FHIP1A: variants seen among roughly 807,000 people sequenced by gnomAD.
FHIP1A encodes FHF complex subunit HOOK interacting protein 1A, also known as FHF complex subunit HOOK-interacting protein 1A.
FHIP1A carries 61 observed loss-of-function variants against 88.6 expected under a neutral mutation model. The ratio of observed to expected loss-of-function variants is 0.69; its 90% CI spans 0.56 to 0.85. The LOEUF (loss-of-function observed/expected upper bound fraction) is 0.85. Ranked by LOEUF, FHIP1A falls within the 40% of genes least tolerant of loss-of-function variation. FHIP1A has a pLI of 0.00. For missense variants in FHIP1A, 1,154 were observed against 1,273.5 expected, an observed-to-expected ratio of 0.91 and a Z score of 1.43; for synonymous variants, 478 against 496.0, an observed-to-expected ratio of 0.96 and a Z score of 0.48.
chr4:151,639,966 T>C (rs1000248786), intron 9 of FHIP1A, among the ~76,000 whole-genome samples: 41 of 152,218 alleles, frequency 2.7e-4, no homozygotes, highest in African/African-American at 9.6e-4. Context: ...ATGATTTGAG[T>C]AGAGGTTACT....
At chr4:151,500,847 T>C (rs1228588348) in intron 3 of FHIP1A, among the ~76,000 whole-genome samples, 1 of 152,192 alleles carries the variant, frequency 6.6e-6, no homozygotes, top group African/African-American at 2.4e-5. Flanking sequence ...AGGTGTTAAA[T>C]TATATATTTT....
At chr4:151,467,669 G>A (rs1729369545) in intron 2 of FHIP1A, among the ~76,000 whole-genome samples, 1 of 152,188 alleles carries the variant, frequency 6.6e-6, no homozygotes, top group South Asian at 2.1e-4. Flanking sequence ...ATGAGATCAT[G>A]TCCTTTGCAG....
chr4:151,544,588 A>T (rs1185891665), intron 3 of FHIP1A, among the ~76,000 whole-genome samples: 1 of 152,122 alleles, frequency 6.6e-6, no homozygotes, highest in East Asian at 1.9e-4. Context: ...TCCCTCACAG[A>T]CCGAGACCTC....
chr4:151,580,277 T>C (rs1475901279), intron 5 of FHIP1A, among the ~76,000 whole-genome samples: 3 of 152,234 alleles, frequency 2.0e-5, no homozygotes, highest in Non-Finnish European at 2.9e-5. Context: ...GTTTGACTTG[T>C]CCCTAACCCT....
intron 4 of FHIP1A, 87 bp downstream of exon 4, chr4:151,566,451 T>A: frequency 1.4e-6 from 1 of 710,258 alleles, no homozygotes. Flanking sequence ...ACCTCTGTGA[T>A]AGGTAACTAG....
intron 3 of FHIP1A, among the ~76,000 whole-genome samples, chr4:151,500,494 C>T (rs1461373856): frequency 6.6e-6 from 1 of 150,852 alleles, no homozygotes; most frequent in Non-Finnish European, 1.5e-5. Context: ...GAATCCTGAC[C>T]CCTGCCCCAT....
chr4:151,415,503 CT>C (rs986842575), intron 1 of FHIP1A, among the ~76,000 whole-genome samples: 1 of 152,090 alleles, frequency 6.6e-6, no homozygotes, highest in African/African-American at 2.4e-5. Flanking sequence ...TTTAAACAGC[CT>C]TTTGTTGGGA....
intron 2 of FHIP1A, among the ~76,000 whole-genome samples, chr4:151,481,794 A>C (rs1729904806): frequency 6.6e-6 from 1 of 152,046 alleles, no homozygotes; most frequent in African/African-American, 2.4e-5. Flanking sequence ...GCTTCTGGCT[A>C]ACTGCTAAGG....
At chr4:151,542,280 A>C (rs924356632) in intron 3 of FHIP1A, among the ~76,000 whole-genome samples, 1 of 152,152 alleles carries the variant, frequency 6.6e-6, no homozygotes, top group Non-Finnish European at 1.5e-5. Flanking sequence ...ATTGCACAAA[A>C]CAACATTTAA....
At chr4:151,481,564 G>A (rs1279612132) in intron 2 of FHIP1A, among the ~76,000 whole-genome samples, 2 of 151,744 alleles carry the variant, frequency 1.3e-5, no homozygotes, top group East Asian at 1.9e-4. Context: ...AAAAATTGAG[G>A]GCAAATCCAT....
Position 151,666,514 on chromosome 4 carries a change from A to C in FHIP1A, c.*3760A>C, listed in dbSNP as rs1737671636. Among the ~76,000 whole-genome samples the C allele has an allele frequency of 6.6e-6, 1 of 152,220 alleles. No homozygotes were observed. Among genetic ancestry groups the C allele is most frequent in the South Asian group, 2.1e-4 (1 of 4,834 alleles). ...TAGTTTCTGTCCAGGATAAGACATCATGGAGCCAGGGTCTTGTCAGGAAAG... is the reference window on the plus strand; with the variant it reads ...TAGTTTCTGTCCAGGATAAGACATCCTGGAGCCAGGGTCTTGTCAGGAAAG... On this transcript the variant is annotated 3_prime_UTR_variant, in exon 14 of 14. Transcript: ENST00000435205.
At chr4:151,615,475 C>G (rs1349300635) in intron 7 of FHIP1A, among the ~76,000 whole-genome samples, 1 of 152,188 alleles carries the variant, frequency 6.6e-6, no homozygotes, top group Non-Finnish European at 1.5e-5. Context: ...AGAGCTGGTA[C>G]TTCATAAATG....
At chr4:151,416,338 C>T (rs1732889802) in intron 1 of FHIP1A, among the ~76,000 whole-genome samples, 1 of 152,084 alleles carries the variant, frequency 6.6e-6, no homozygotes. Flanking sequence ...TCTTATTCCT[C>T]AAAATGAATA....
intron 3 of FHIP1A, among the ~76,000 whole-genome samples, chr4:151,549,977 T>C (rs1732661934): frequency 6.6e-6 from 1 of 152,186 alleles, no homozygotes; most frequent in Non-Finnish European, 1.5e-5. Flanking sequence ...ATCAGAAGAC[T>C]TGAAAAATCT....
chr4:151,577,348 G>A (rs1733831235), intron 4 of FHIP1A, 102 bp from the exon 5 acceptor site: 1 of 1,090,552 alleles, frequency 9.2e-7, no homozygotes, highest in African/African-American at 1.6e-5. Context: ...TGTGGGCAGT[G>A]GCTCCTGCAT....
chr4:151,596,873 T>A (rs538372351), intron 7 of FHIP1A, among the ~76,000 whole-genome samples: 1 of 152,294 alleles, frequency 6.6e-6, no homozygotes, highest in Non-Finnish European at 1.5e-5. Flanking sequence ...TTCAGCTCCA[T>A]CAGGTCATTT....
chr4:151,492,268 G>A (rs939101183), intron 3 of FHIP1A, among the ~76,000 whole-genome samples: 4 of 152,018 alleles, frequency 2.6e-5, no homozygotes, highest in South Asian at 2.1e-4. Flanking sequence ...AACAAGTCTC[G>A]ATAAATTTAA....
chr4:151,620,389 G>T (rs1465206261), intron 7 of FHIP1A, among the ~76,000 whole-genome samples: 1 of 152,204 alleles, frequency 6.6e-6, no homozygotes, highest in Non-Finnish European at 1.5e-5. Context: ...TGCCCAAAGA[G>T]ATCTATTTCT....
rs1229647444 is a variant in FHIP1A, at chr4:151,638,766, CTTTT to C, written c.1226+13_1226+16del. 3.3e-6 allele frequency: 5 copies of C among 1,511,208 alleles called. No individual in the cohort carries two copies. The highest frequency in any genetic ancestry group is 4.5e-6 in the Non-Finnish European group (5 of 1,117,126). 93.6% of individuals were successfully genotyped at this position (1,511,208 alleles called of 1,614,324 possible). ...TACAGCTAGTTCTAAGGTGAGTTGC[CTTTT>C]TTGTTTCCTTTAAAGAAAAATTCAC... On this transcript the variant is annotated intron_variant, in intron 9 of 13. Coordinates refer to ENST00000435205, the MANE Select transcript of FHIP1A (RefSeq NM_001109977.3).
Sources: gnomAD v4.1 joint callset for allele counts (sites outside exome capture counted in the v4.1 genomes callset) on GRCh38, gnomAD v4.1.1 for gene constraint, MANE v1.5 for transcripts, NCBI Gene and HGNC (gene_info 2026-07-23, HGNC 2026-07-21) for gene names.